The following MSRA variants were observed in gnomAD, a reference collection of about 807,000 sequenced individuals.
MSRA encodes methionine sulfoxide reductase A.
MSRA carries 54 observed loss-of-function variants against 31.3 expected under a neutral mutation model. The observed-to-expected ratio is 1.73, with a 90% CI of 1.39 to 2.17. The LOEUF is 2.17. Ranked by LOEUF, MSRA falls within the 30% of genes most tolerant of loss-of-function variation. The pLI, the probability that MSRA is intolerant of heterozygous loss-of-function variation, is 0.00. For missense variants in MSRA, 507 were observed against 300.9 expected (o/e 1.69, Z -5.07); for synonymous variants, 169 against 116.5 (o/e 1.45, Z -2.90).
At chr8:10,329,705 C>T (rs1302504632) in intron 5 of MSRA, among the ~76,000 whole-genome samples, 8 of 151,900 alleles carry the variant, frequency 5.3e-5, no homozygotes, top group African/African-American at 1.9e-4. Flanking sequence ...GGCTCTTCCT[C>T]GGGCTGCTTA....
chr8:10,337,892 G>A, intron 5 of MSRA: 1 of 686,456 alleles, frequency 1.5e-6, no homozygotes, highest in South Asian at 1.5e-5. Flanking sequence ...CACATTCTTT[G>A]TTATGACAGC....
At chr8:10,074,032 C>G (rs1188835970) in intron 1 of MSRA, among the ~76,000 whole-genome samples, 2 of 78,558 alleles carry the variant, frequency 2.5e-5, no homozygotes, top group African/African-American at 9.6e-5. Context: ...TTACATAGTT[C>G]CATTTTGTTT....
intron 1 of MSRA, among the ~76,000 whole-genome samples, chr8:10,134,836 G>T (rs1802155032): frequency 6.6e-6 from 1 of 152,230 alleles, no homozygotes; most frequent in African/African-American, 2.4e-5. Flanking sequence ...CTGTTTAAAT[G>T]TTGTTTTACA....
chr8:10,328,934 T>C (rs756789298), intron 5 of MSRA, among the ~76,000 whole-genome samples: 2 of 152,188 alleles, frequency 1.3e-5, no homozygotes, highest in Non-Finnish European at 2.9e-5. Context: ...ATTCAGAGGC[T>C]GTGGACATGC....
At chr8:10,345,640 A>C (rs1184672489) in intron 5 of MSRA, among the ~76,000 whole-genome samples, 2 of 152,240 alleles carry the variant, frequency 1.3e-5, no homozygotes, top group Non-Finnish European at 1.5e-5. Flanking sequence ...TATTTTCCAA[A>C]AACTTATGAG....
At chr8:10,377,673 G>C (rs753108207) in intron 5 of MSRA, among the ~76,000 whole-genome samples, 1 of 152,148 alleles carries the variant, frequency 6.6e-6, no homozygotes, top group African/African-American at 2.4e-5. Context: ...GGGAGCAAGC[G>C]GTCTGTGTCT....
intron 2 of MSRA, among the ~76,000 whole-genome samples, chr8:10,235,665 A>T (rs1273621456): frequency 3.3e-5 from 5 of 152,152 alleles, no homozygotes; most frequent in Non-Finnish European, 7.4e-5. Flanking sequence ...AATGAAACAA[A>T]GCATCCCCTA....
At chr8:10,087,791 A>G (rs1798645703) in intron 1 of MSRA, among the ~76,000 whole-genome samples, 1 of 152,334 alleles carries the variant, frequency 6.6e-6, no homozygotes, top group Non-Finnish European at 1.5e-5. Flanking sequence ...CTTAAAGTAA[A>G]GGATTTTAAA....
chr8:10,164,713 A>C (rs1804965810), intron 1 of MSRA, among the ~76,000 whole-genome samples: 1 of 152,140 alleles, frequency 6.6e-6, no homozygotes. Flanking sequence ...TTCCCTGTAG[A>C]ATAGTCACCC....
intron 3 of MSRA, among the ~76,000 whole-genome samples, chr8:10,266,752 G>A (rs543025331): frequency 6.6e-5 from 10 of 152,176 alleles, no homozygotes; most frequent in Admixed American, 2.0e-4. Flanking sequence ...TTTATATATA[G>A]TGCAAGTCAT....
chr8:10,409,843 C>T (rs938254369), intron 5 of MSRA, among the ~76,000 whole-genome samples: 1 of 152,224 alleles, frequency 6.6e-6, no homozygotes, highest in East Asian at 1.9e-4. Flanking sequence ...GGGAGGATCA[C>T]TTAAGGCTAG....
At position 10,401,431 on chromosome 8, in the gene MSRA, G is replaced by T. The variant is rs548111639; in HGVS notation, c.544-26717G>T. Among the ~76,000 whole-genome samples, 4 of 152,332 alleles carry T rather than the reference G, an allele frequency of 2.6e-5. No individual in the cohort carries two copies. In the South Asian group the frequency reaches 8.3e-4, roughly 32 times the overall value. On this transcript the variant is annotated intron_variant, in intron 5 of 5. Transcript: ENST00000317173. ...GAGAATAATAAGTGTTGGTGAGGATGTGGAGAAATTGGAACCCTTGTGCAT... is the reference window on the plus strand; with the variant it reads ...GAGAATAATAAGTGTTGGTGAGGATTTGGAGAAATTGGAACCCTTGTGCAT...
chr8:10,353,822 A>G, intron 5 of MSRA: 1 of 273,600 alleles, frequency 3.7e-6, no homozygotes, highest in Non-Finnish European at 7.3e-6. Flanking sequence ...GGGAGAAATA[A>G]CAAGACATTT....
intron 5 of MSRA, among the ~76,000 whole-genome samples, chr8:10,377,859 C>T (rs1051931720): frequency 4.6e-5 from 7 of 152,212 alleles, no homozygotes; most frequent in African/African-American, 1.4e-4. Flanking sequence ...ATCCACTTTG[C>T]ACAGATCTCG....
chr8:10,344,692 T>C (rs1333042861), intron 5 of MSRA, among the ~76,000 whole-genome samples: 1 of 152,066 alleles, frequency 6.6e-6, no homozygotes, highest in African/African-American at 2.4e-5. Flanking sequence ...TACCATGAGT[T>C]TGAATGAATC....
chr8:10,150,518 A>G (rs1446715326), intron 1 of MSRA, among the ~76,000 whole-genome samples: 1 of 152,222 alleles, frequency 6.6e-6, no homozygotes, highest in Non-Finnish European at 1.5e-5. Flanking sequence ...CAACCATGTA[A>G]TCAACGGCTT....
intron 2 of MSRA, among the ~76,000 whole-genome samples, chr8:10,211,585 C>A (rs902768111): frequency 6.6e-6 from 1 of 152,096 alleles, no homozygotes; most frequent in Non-Finnish European, 1.5e-5. Flanking sequence ...CTGTGAGTGC[C>A]CCCTTGGCTC....
At chr8:10,418,167 A>G (rs1284805981) in intron 5 of MSRA, among the ~76,000 whole-genome samples, 1 of 152,244 alleles carries the variant, frequency 6.6e-6, no homozygotes, top group Non-Finnish European at 1.5e-5. Flanking sequence ...ACAAATAATT[A>G]CATGAAAACC....
chr8:10,061,845 G>A (rs1381434989), intron 1 of MSRA, among the ~76,000 whole-genome samples: 1 of 151,622 alleles, frequency 6.6e-6, no homozygotes, highest in Non-Finnish European at 1.5e-5. Context: ...CCAGGATGAA[G>A]GGTGGGGAAC....
Sources: allele counts gnomAD v4.1 joint callset (sites outside exome capture counted in the v4.1 genomes callset), GRCh38; gene constraint gnomAD v4.1.1; transcripts MANE v1.5; gene names NCBI Gene and HGNC (gene_info 2026-07-23, HGNC 2026-07-21).